Variants in CHN1 observed in about 807,000 individuals in gnomAD.
CHN1 encodes the protein N-chimaerin.
CHN1 carries 37 observed loss-of-function variants against 59.5 expected under a neutral mutation model. The observed-to-expected ratio is 0.62, with a 90% CI of 0.48 to 0.82. The LOEUF (loss-of-function observed/expected upper bound fraction) is 0.82. CHN1 is among the 40% of genes least tolerant of loss of function. CHN1 has a pLI of 0.00. For missense variants in CHN1, 469 were observed against 571.0 expected (o/e 0.82, Z 1.82); for synonymous variants, 206 against 200.4 (o/e 1.03, Z -0.24).
chr2:174,924,785 C>T (rs572287069), intron 3 of CHN1, among the ~76,000 whole-genome samples: 1 of 152,252 alleles, frequency 6.6e-6, no homozygotes, highest in Admixed American at 6.5e-5. Context: ...GTGTTACATG[C>T]TATAGGAAAA....
chr2:174,801,904 G>C (rs1684734933), intron 11 of CHN1, 92 bp from the exon 12 acceptor site: 2 of 955,368 alleles, frequency 2.1e-6, no homozygotes, highest in Non-Finnish European at 3.4e-6. Context: ...ATAATGCTCT[G>C]AAACTGGTAA....
intron 3 of CHN1, among the ~76,000 whole-genome samples, chr2:174,943,460 C>T (rs1376754870): frequency 2.6e-5 from 4 of 151,668 alleles, no homozygotes; most frequent in Admixed American, 1.3e-4. Context: ...CTCTTGACCT[C>T]GTGATCTGCC....
At chr2:174,842,726 G>A (rs1686356121) in intron 7 of CHN1, among the ~76,000 whole-genome samples, 1 of 152,162 alleles carries the variant, frequency 6.6e-6, no homozygotes, top group Non-Finnish European at 1.5e-5. Context: ...CAGTCTGTTG[G>A]CTAGGATTGC....
intron 1 of CHN1, among the ~76,000 whole-genome samples, chr2:174,957,446 T>TGGG (rs571065105): frequency 0.038 from 3,368 of 89,088 alleles, 109 homozygotes; most frequent in Middle Eastern, 0.074. Flanking sequence ...GTGTGTGTGT[T>TGGG]GGGGGGGGGG....
At chr2:174,958,031 G>A (rs376664559) in intron 1 of CHN1, among the ~76,000 whole-genome samples, 14 of 152,106 alleles carry the variant, frequency 9.2e-5, no homozygotes, top group African/African-American at 3.1e-4. Flanking sequence ...AGAAGCCAGC[G>A]ACATAACTGT....
chr2:174,991,373 G>A (rs1691543352), intron 1 of CHN1, among the ~76,000 whole-genome samples: 1 of 152,018 alleles, frequency 6.6e-6, no homozygotes, highest in African/African-American at 2.4e-5. Context: ...GTTGACTACT[G>A]GACACATGAC....
intron 6 of CHN1, among the ~76,000 whole-genome samples, chr2:174,853,977 T>C (rs1296060885): frequency 6.6e-6 from 1 of 152,106 alleles, no homozygotes; most frequent in East Asian, 1.9e-4. Flanking sequence ...AAACTACCTA[T>C]TGGGTACTAT....
intron 6 of CHN1, among the ~76,000 whole-genome samples, chr2:174,861,255 G>A (rs1261682649): frequency 6.6e-6 from 1 of 152,034 alleles, no homozygotes; most frequent in African/African-American, 2.4e-5. Flanking sequence ...TAGAATGTAT[G>A]GAATATACAT....
At chr2:174,979,479 G>A (rs1691066114) in intron 1 of CHN1, among the ~76,000 whole-genome samples, 1 of 152,098 alleles carries the variant, frequency 6.6e-6, no homozygotes, top group African/African-American at 2.4e-5. Flanking sequence ...TTATTGGCAG[G>A]CTCTGGTTAT....
At chr2:174,897,848 G>T (rs796513268) in intron 5 of CHN1, among the ~76,000 whole-genome samples, 1 of 152,172 alleles carries the variant, frequency 6.6e-6, no homozygotes, top group Non-Finnish European at 1.5e-5. Flanking sequence ...AAAAGAGGCA[G>T]GGAGAAGGAA....
At chr2:174,865,936 G>A (rs1000524366) in intron 6 of CHN1, among the ~76,000 whole-genome samples, 13 of 152,114 alleles carry the variant, frequency 8.5e-5, no homozygotes, top group Non-Finnish European at 1.3e-4. Context: ...TTTTACTATT[G>A]AGGCCCAGAG....
At chr2:174,874,742 G>A (rs888623377) in intron 6 of CHN1, among the ~76,000 whole-genome samples, 4 of 151,958 alleles carry the variant, frequency 2.6e-5, no homozygotes, top group African/African-American at 7.3e-5. Flanking sequence ...TTTCAAAAAT[G>A]TTCTTAATAA....
chr2:174,886,112 A>T (rs1687886392), intron 5 of CHN1, among the ~76,000 whole-genome samples: 1 of 152,330 alleles, frequency 6.6e-6, no homozygotes, highest in East Asian at 1.9e-4. Context: ...GTAAAACATG[A>T]GTGTGAGTGC....
chr2:174,995,432 G>C (rs188444474), intron 1 of CHN1, among the ~76,000 whole-genome samples: 1 of 152,276 alleles, frequency 6.6e-6, no homozygotes, highest in East Asian at 1.9e-4. Context: ...ACCGGTTCTG[G>C]TTTCATGGAA....
intron 6 of CHN1, among the ~76,000 whole-genome samples, chr2:174,850,123 A>G (rs1686681556): frequency 1.3e-5 from 2 of 152,176 alleles, no homozygotes; most frequent in Non-Finnish European, 2.9e-5. Context: ...TGGCTTTGAT[A>G]ATCTGCACCA....
At chr2:174,882,273 C>G (rs926319212) in intron 5 of CHN1, among the ~76,000 whole-genome samples, 1 of 152,192 alleles carries the variant, frequency 6.6e-6, no homozygotes, top group Non-Finnish European at 1.5e-5. Context: ...GAAAGAATAT[C>G]TTTCTCCAGT....
chr2:174,843,046 T>G (rs1490288142), intron 7 of CHN1, among the ~76,000 whole-genome samples: 1 of 152,176 alleles, frequency 6.6e-6, no homozygotes, highest in South Asian at 2.1e-4. Context: ...ATTACTTAAT[T>G]TGCCTAAGTA....
intron 1 of CHN1, among the ~76,000 whole-genome samples, chr2:174,972,601 T>A (rs1410363850): frequency 6.6e-6 from 1 of 152,154 alleles, no homozygotes; most frequent in Non-Finnish European, 1.5e-5. Context: ...GTAGTCGTAG[T>A]TTGAGCTATG....
At position 174,990,213 on chromosome 2, in the gene CHN1, GGT is replaced by G. The variant is rs149109410; in HGVS notation, c.19+14679_19+14680del. The stretch of plus-strand genomic sequence containing the variant: ...ACATTGGCAGACTTGGTGTGTGCGG[GGT>G]GTGTGTGTGTGGTGTGTCTGTGTGT... On this transcript the variant is annotated intron_variant, in intron 1 of 12. Transcript: ENST00000409900. 6.3e-3 allele frequency among the ~76,000 whole-genome samples: 945 copies of G among 149,664 alleles called. 14 individuals carry two copies. Among genetic ancestry groups the G allele is most frequent in the African/African-American group, 0.022 (896 of 40,662 alleles).
Sources: allele counts gnomAD v4.1 joint callset (sites outside exome capture counted in the v4.1 genomes callset), GRCh38; gene constraint gnomAD v4.1.1; transcripts MANE v1.5; gene names NCBI Gene and HGNC (gene_info 2026-07-23, HGNC 2026-07-21).